The following ESYT2 variants were observed in gnomAD, a reference collection of about 807,000 sequenced individuals.
The protein encoded by ESYT2 is extended synaptotagmin 2.
ESYT2 carries 54 observed loss-of-function variants against 107.2 expected under a neutral mutation model. That is an observed-to-expected ratio of 0.50 (90% CI 0.40 to 0.63). The LOEUF is 0.63. Among genes scored for constraint, ESYT2 ranks in the 30% least tolerant of loss-of-function variants. ESYT2 has a pLI of 0.00. For synonymous variants in ESYT2, 491 were observed against 434.1 expected (o/e 1.13, Z -1.63); for missense variants, 1,020 against 1,094.5 (o/e 0.93, Z 0.96).
chr7:158,787,795 T>G lies in ESYT2; in HGVS notation c.747+209A>C, dbSNP rs534299731. ...CCATGTTTCCAAATTTTTGTAACAT[T>G]TTTATAATCAGGAAAGAGAGCTGTT... On this transcript the variant is annotated intron_variant, in intron 6 of 22. Transcript: ENST00000275418. Among the ~76,000 whole-genome samples the G allele has an allele frequency of 5.4e-4, 82 of 152,290 alleles. 2 individuals carry two copies. Among genetic ancestry groups the G allele is most frequent in the African/African-American group, 1.9e-3 (80 of 41,566 alleles).
chr7:158,749,249 G>GGCACCCGGCACC (rs59201103), intron 15 of ESYT2, among the ~76,000 whole-genome samples: 4 of 152,026 alleles, frequency 2.6e-5, no homozygotes, highest in African/African-American at 9.7e-5. Flanking sequence ...TGGGATTACA[G>GGCACCCGGCACC]GCACCCGGCA....
rs928377256 is a variant in ESYT2 at position 158,803,159 on chromosome 7, C to T, written c.331-4087G>A. 2.3e-4 allele frequency among the ~76,000 whole-genome samples: 35 copies of T among 152,368 alleles called. No individual in the cohort carries two copies. In the East Asian group the frequency reaches 6.4e-3, roughly 28 times the overall value. Reference sequence around the variant, plus strand: ...CCACCAGCATAGGTGGGGGCCAACGCGCCGTTCCCCGGAGCACACCTAAGT... The same window carrying T: ...CCACCAGCATAGGTGGGGGCCAACGTGCCGTTCCCCGGAGCACACCTAAGT... On this transcript the variant is annotated intron_variant, in intron 1 of 22. Coordinates refer to ENST00000275418, the MANE Select transcript of ESYT2 (RefSeq NM_001367773.1).
chr7:158,794,618 C>T (rs972586947), intron 3 of ESYT2, among the ~76,000 whole-genome samples: 2 of 152,018 alleles, frequency 1.3e-5, no homozygotes, highest in Non-Finnish European at 2.9e-5. Flanking sequence ...ACCCCCATCT[C>T]TACAAAAACT....
At chr7:158,738,049 C>T (rs1429815350) in intron 19 of ESYT2, among the ~76,000 whole-genome samples, 3 of 152,020 alleles carry the variant, frequency 2.0e-5, no homozygotes, top group East Asian at 1.9e-4. Context: ...TAGAGACCAG[C>T]GTCTCCATAA....
chr7:158,762,821 A>G (rs1434824325), intron 10 of ESYT2, among the ~76,000 whole-genome samples: 1 of 152,234 alleles, frequency 6.6e-6, no homozygotes, highest in Non-Finnish European at 1.5e-5. Context: ...GATAGTTTTT[A>G]ATTTATTTAA....
At chr7:158,786,376 A>G (rs973159983) in intron 6 of ESYT2, among the ~76,000 whole-genome samples, 2 of 152,190 alleles carry the variant, frequency 1.3e-5, no homozygotes, top group African/African-American at 4.8e-5. Context: ...TTTGGTCACT[A>G]ATGAAGTTCG....
intron 1 of ESYT2, among the ~76,000 whole-genome samples, chr7:158,806,110 G>A (rs1322827448): frequency 6.6e-6 from 1 of 150,812 alleles, no homozygotes; most frequent in Non-Finnish European, 1.5e-5. Context: ...CGTGGGAGGC[G>A]CCGGGGCACA....
At chr7:158,775,181 T>G (rs1307711804) in intron 6 of ESYT2, among the ~76,000 whole-genome samples, 1 of 152,162 alleles carries the variant, frequency 6.6e-6, no homozygotes, top group African/African-American at 2.4e-5. Flanking sequence ...TACCTTTATT[T>G]TAAAACATTT....
chr7:158,735,702 A>G, intron 20 of ESYT2, 94 bp from the exon 21 acceptor site: 1 of 1,026,940 alleles, frequency 9.7e-7, no homozygotes, highest in Non-Finnish European at 1.5e-6. Context: ...ATCATTCCAA[A>G]TGTCATGTTT....
At position 158,773,332 on chromosome 7, in the gene ESYT2, G is replaced by A. The variant is rs769538911; in HGVS notation, c.803+9C>T. The A allele has an allele frequency of 8.1e-6, 13 of 1,613,862 alleles. No individual in the cohort carries two copies. Among genetic ancestry groups the A allele is most frequent in the East Asian group, 6.7e-5 (3 of 44,884 alleles). The stretch of plus-strand genomic sequence containing the variant: ...ACGCTAAGCCTCCGGGACCAGACAC[G>A]AGACTTACTTCAATCCAGGGACATC... On this transcript the variant is annotated intron_variant, in intron 7 of 22. Transcript: ENST00000275418.
chr7:158,781,286 AAC>A (rs1424871100), intron 6 of ESYT2, among the ~76,000 whole-genome samples: 9 of 69,120 alleles, frequency 1.3e-4, no homozygotes, highest in East Asian at 1.2e-3. Flanking sequence ...CGAGTGTGAG[AAC>A]AGTGTGCGGT....
intron 9 of ESYT2, 108 bp downstream of exon 9, chr7:158,764,569 G>A: frequency 9.0e-7 from 1 of 1,114,108 alleles, no homozygotes; most frequent in Admixed American, 2.3e-5. Flanking sequence ...TTTAAATGAT[G>A]GCCTAAATGA....
chr7:158,736,610 A>ATTG (rs1836961713), intron 20 of ESYT2, among the ~76,000 whole-genome samples: 1 of 148,656 alleles, frequency 6.7e-6, no homozygotes, highest in South Asian at 2.1e-4. Context: ...TCTTTTCATT[A>ATTG]TGTTTTTTAT....
chr7:158,764,030 AAATCACACGACTGTCCTGAAGGGT>A (rs1838068549), intron 9 of ESYT2, among the ~76,000 whole-genome samples: 2 of 152,208 alleles, frequency 1.3e-5, no homozygotes, highest in Non-Finnish European at 2.9e-5. Context: ...GGTGGAGTAT[AAATCACACGACTGTCCTGAAGGGT>A]AATTCTACAA....
At position 158,748,043 on chromosome 7, in the gene ESYT2, G is replaced by C. The variant is rs929477292; in HGVS notation, c.1644+151C>G. On this transcript the variant is annotated intron_variant, in intron 16 of 22. Coordinates refer to ENST00000275418, the MANE Select transcript of ESYT2 (RefSeq NM_001367773.1). ...GCAGGTCTGTGTTTGCCTGGGGCTA[G>C]GGGAGGCCCGGGTTACAGAGAGATC... is the stretch of plus-strand genomic sequence containing the variant. 1.5e-5 allele frequency: 10 copies of C among 655,208 alleles called. No individual in the cohort carries two copies. The Admixed American group carries it at 2.8e-4, about 18-fold the overall frequency. 40.6% of individuals were successfully genotyped at this position (655,208 alleles called of 1,614,324 possible). A position where few individuals can be genotyped will look rare whatever the true frequency, so the allele number is the denominator to read the frequency against.
chr7:158,776,185 C>T (rs1408944889), intron 6 of ESYT2, among the ~76,000 whole-genome samples: 3 of 152,178 alleles, frequency 2.0e-5, no homozygotes, highest in South Asian at 2.1e-4. Flanking sequence ...GTATAGAACA[C>T]AGACAGTGTA....
chr7:158,828,319 G>A (rs1365995873), intron 1 of ESYT2, among the ~76,000 whole-genome samples: 1 of 152,264 alleles, frequency 6.6e-6, no homozygotes, highest in Non-Finnish European at 1.5e-5. Flanking sequence ...GCCACCCGGA[G>A]CATTTCCAGG....
chr7:158,734,843 ACTT>A (rs1222933071), intron 21 of ESYT2, among the ~76,000 whole-genome samples: 8 of 152,114 alleles, frequency 5.3e-5, no homozygotes, highest in Non-Finnish European at 8.8e-5. Flanking sequence ...ATCTTTTACC[ACTT>A]CTTCTCATCT....
chr7:158,788,447 A>G (rs780186968), intron 4 of ESYT2, 30 bp from the exon 5 acceptor site: 1 of 1,551,278 alleles, frequency 6.4e-7, no homozygotes, highest in Non-Finnish European at 8.8e-7. Flanking sequence ...TACATGATGT[A>G]AGTGAAATGA....
Sources: gnomAD v4.1 joint callset for allele counts (sites outside exome capture counted in the v4.1 genomes callset) on GRCh38, gnomAD v4.1.1 for gene constraint, MANE v1.5 for transcripts, NCBI Gene and HGNC (gene_info 2026-07-23, HGNC 2026-07-21) for gene names.